The following MORN3 variants were observed in gnomAD, a reference collection of about 807,000 sequenced individuals.
The protein encoded by MORN3 is MORN repeat containing 3.
MORN3 carries 38 observed loss-of-function variants against 34.7 expected under a neutral mutation model. That is an observed-to-expected ratio of 1.10 (90% CI 0.85 to 1.44). The LOEUF is 1.44. Among genes scored for constraint, MORN3 ranks in the 40% most tolerant of loss-of-function variants. MORN3 has a pLI of 0.00. For synonymous variants in MORN3, 109 were observed against 115.3 expected (o/e 0.95, Z 0.35); for missense variants, 311 against 321.7 (o/e 0.97, Z 0.25).
At chr12:121,665,120 G>A (rs1337260909) in intron 1 of MORN3, among the ~76,000 whole-genome samples, 3 of 151,798 alleles carry the variant, frequency 2.0e-5, no homozygotes, top group Non-Finnish European at 4.4e-5. Context: ...AGAAGAAGGT[G>A]AAGAGTGAGA....
intron 1 of MORN3, among the ~76,000 whole-genome samples, chr12:121,664,080 C>T (rs894323222): frequency 6.6e-5 from 10 of 152,074 alleles, no homozygotes; most frequent in African/African-American, 2.4e-4. Flanking sequence ...CGTGTAAGTC[C>T]ATTTGGGCCA....
intron 1 of MORN3, among the ~76,000 whole-genome samples, chr12:121,667,587 T>G (rs1345934070): frequency 6.6e-6 from 1 of 151,738 alleles, no homozygotes; most frequent in African/African-American, 2.4e-5. Flanking sequence ...TCTTCCTCAC[T>G]CTGTTTCACC....
Position 121,656,098 on chromosome 12 carries a change from G to A in MORN3, c.304-1665C>T, listed in dbSNP as rs371910767. ...CAAGGTCTGTTTGCAGATCACACCC[G>A]AGGAGGTTGGGTTGAGAAGCCAAGT... On this transcript the variant is annotated intron_variant, in intron 2 of 5. Transcript: ENST00000355329. 8.5e-5 allele frequency among the ~76,000 whole-genome samples: 13 copies of A among 152,256 alleles called. No homozygotes were observed. In the East Asian group the frequency reaches 1.5e-3, roughly 18 times the overall value.
In MORN3 at chr12:121,653,068, T is replaced by A. The variant is rs957110959; in HGVS notation, c.648+7A>T. On this transcript the variant is annotated splice_region_variant and intron_variant, in intron 4 of 5. Transcript: ENST00000355329. ...GTGGCCACAGGGCCCTGGTGAGGGC[T>A]GCCCACCTCAGGAATGGGGAACTGA... 2 of 1,603,570 alleles carry A rather than the reference T, an allele frequency of 1.2e-6. No individual in the cohort carries two copies. Among genetic ancestry groups the A allele is most frequent in the African/African-American group, 2.7e-5 (2 of 74,640 alleles).
intron 2 of MORN3, among the ~76,000 whole-genome samples, chr12:121,658,875 A>G (rs1182426685): frequency 1.3e-5 from 2 of 152,098 alleles, no homozygotes; most frequent in African/African-American, 4.8e-5. Context: ...ACCTGGGGAA[A>G]AGAAAGCCAG....
intron 1 of MORN3, among the ~76,000 whole-genome samples, chr12:121,666,154 T>C (rs1312605901): frequency 6.6e-6 from 1 of 152,050 alleles, no homozygotes; most frequent in Non-Finnish European, 1.5e-5. Context: ...ACATGGTGAA[T>C]CCGTGTCTCA....
chr12:121,656,055 T>C (rs1301377529), intron 2 of MORN3, among the ~76,000 whole-genome samples: 4 of 152,004 alleles, frequency 2.6e-5, no homozygotes, highest in Non-Finnish European at 4.4e-5. Flanking sequence ...CCACACTTAG[T>C]GTCCAACCAC....
At chr12:121,659,135 G>GCACA (rs1292589671) in intron 2 of MORN3, 56 bp downstream of exon 2, 13 of 1,283,030 alleles carry the variant, frequency 1.0e-5, no homozygotes, top group South Asian at 2.7e-5. Context: ...ACACACACGC[G>GCACA]CGCACACACA....
At chr12:121,664,417 G>T (rs774679422) in intron 1 of MORN3, among the ~76,000 whole-genome samples, 95 of 152,178 alleles carry the variant, frequency 6.2e-4, no homozygotes, top group Non-Finnish European at 1.1e-3. Flanking sequence ...GCCAGGAAGG[G>T]CAGTCCAGGC....
chr12:121,667,358 A>G (rs1288057793), intron 1 of MORN3, among the ~76,000 whole-genome samples: 1 of 151,804 alleles, frequency 6.6e-6, no homozygotes. Context: ...GGTTCAAGCA[A>G]TTCTCCTGCC....
At chr12:121,659,446 T>A in intron 1 of MORN3, 98 bp from the exon 2 acceptor site, 1 of 1,260,640 alleles carries the variant, frequency 7.9e-7, no homozygotes, top group Non-Finnish European at 1.1e-6. Context: ...TAGACGAATC[T>A]AGAGAGCTGG....
chr12:121,669,324 C>G lies in MORN3; in HGVS notation c.145+15G>C. 1 of 1,612,334 alleles carries G rather than the reference C, an allele frequency of 6.2e-7. No homozygotes were observed. Among genetic ancestry groups the G allele is most frequent in the Non-Finnish European group, 8.5e-7 (1 of 1,178,926 alleles). On this transcript the variant is annotated intron_variant, in intron 1 of 5. Transcript: ENST00000355329. ...CTGACCCCACTCCGGCCGCCCGTCC[C>G]GGAGTCCCACTCACCGTGTTTCACG...
chr12:121,654,765 T>C (rs1211058990), intron 2 of MORN3, among the ~76,000 whole-genome samples: 1 of 151,606 alleles, frequency 6.6e-6, no homozygotes, highest in Admixed American at 6.6e-5. Flanking sequence ...GCCCTGCTAA[T>C]TTTTGTATTT....
At chr12:121,662,969 G>C (rs1893631280) in intron 1 of MORN3, among the ~76,000 whole-genome samples, 1 of 151,900 alleles carries the variant, frequency 6.6e-6, no homozygotes, top group Admixed American at 6.6e-5. Flanking sequence ...CCTGGCAACA[G>C]AGCGGGACTC....
chr12:121,653,225 T>C lies in MORN3; in HGVS notation c.498A>G (p.Arg166=), dbSNP rs1555325299. 1 of 1,613,920 alleles carries C rather than the reference T, an allele frequency of 6.2e-7. No individual in the cohort carries two copies. The highest frequency in any genetic ancestry group is 8.5e-7 in the Non-Finnish European group (1 of 1,180,004). The change falls in exon 4 of 6, where the codon AGA becomes AGG. Residue 166 remains arginine, a synonymous_variant. Coordinates refer to ENST00000355329, the MANE Select transcript of MORN3 (RefSeq NM_173855.5). The part of the protein sequence containing the change: ...NGNRYEGCWE[R]GMKNGAGRFF... Reference sequence around the variant, plus strand: ...AACGCCCCGCCCCGTTCTTCATGCCTCTCTCCCAGCAGCCCTCGTAGCGGT... The same window carrying C: ...AACGCCCCGCCCCGTTCTTCATGCCCCTCTCCCAGCAGCCCTCGTAGCGGT...
intron 1 of MORN3, 41 bp from the exon 2 acceptor site, chr12:121,659,389 CG>C (rs761372227): frequency 4.8e-6 from 7 of 1,467,506 alleles, no homozygotes; most frequent in Middle Eastern, 1.7e-4. Flanking sequence ...ACATGGCCGC[CG>C]GGGGGTGGGG....
chr12:121,654,433 C>G lies in MORN3; in HGVS notation c.304G>C (p.Gly102Arg), dbSNP rs1439344986. The change falls in exon 3 of 6, where the codon GGT becomes CGT. Residue 102 changes from glycine to arginine, a missense_variant and splice_region_variant. Gly to Arg is a moderately radical substitution (Grantham distance 125). Coordinates refer to ENST00000355329, the MANE Select transcript of MORN3 (RefSeq NM_173855.5). ...SGWWKGDKKSGYGIQFFGPKE... is the reference protein window; with the variant it reads ...SGWWKGDKKSRYGIQFFGPKE... ...GGTCCGAAAAACTGGATCCCATAAC[C>G]CTGAAAGTACGAAGATGCTACTACT... 3 of 1,585,244 alleles carry G rather than the reference C, an allele frequency of 1.9e-6. No homozygotes were observed. The highest frequency in any genetic ancestry group is 1.2e-5 in the South Asian group (1 of 86,724).
At chr12:121,669,243 C>A in intron 1 of MORN3, 96 bp downstream of exon 1, 1 of 1,499,386 alleles carries the variant, frequency 6.7e-7, no homozygotes, top group Non-Finnish European at 9.1e-7. Context: ...GGACACATCT[C>A]ATGTCCCCAG....
intron 1 of MORN3, among the ~76,000 whole-genome samples, chr12:121,659,716 A>C (rs555052746): frequency 8.0e-4 from 121 of 151,808 alleles, no homozygotes; most frequent in African/African-American, 2.8e-3. Context: ...GTGTTTTAGT[A>C]AAGATGGGGT....
Sources: allele counts gnomAD v4.1 joint callset (sites outside exome capture counted in the v4.1 genomes callset), GRCh38; gene constraint gnomAD v4.1.1; transcripts MANE v1.5; gene names NCBI Gene and HGNC (gene_info 2026-07-23, HGNC 2026-07-21).